TMEM108: variants seen among roughly 807,000 people sequenced by gnomAD.
The protein encoded by TMEM108 is cancer/testis antigen 124.
A neutral mutation model predicts 35.1 loss-of-function variants in TMEM108; 12 were observed. The ratio of observed to expected loss-of-function variants is 0.34; its 90% CI spans 0.22 to 0.55. The LOEUF is 0.55. Ranked by LOEUF, TMEM108 falls within the 20% of genes least tolerant of loss-of-function variation. The pLI is 0.89. For synonymous variants in TMEM108, 287 were observed against 308.6 expected, an observed-to-expected ratio of 0.93 and a Z score of 0.73; for missense variants, 680 against 753.3, an observed-to-expected ratio of 0.90 and a Z score of 1.14.
intron 2 of TMEM108, among the ~76,000 whole-genome samples, chr3:133,224,796 AGT>A (rs1406181574): frequency 6.6e-6 from 1 of 152,178 alleles, no homozygotes; most frequent in East Asian, 1.9e-4. Context: ...ATACATATAT[AGT>A]GTATATGTGC....
At chr3:133,309,682 CTTTTTTTTTTTTTTTT>C (rs148272827) in intron 3 of TMEM108, among the ~76,000 whole-genome samples, 46 of 69,136 alleles carry the variant, frequency 6.7e-4, no homozygotes, top group African/African-American at 8.2e-4. Context: ...GAGTGAGTTT[CTTTTTTTTTTTTTTTT>C]TTTTTTTTTT....
At chr3:133,237,369 ATTG>A (rs144808363) in intron 3 of TMEM108, among the ~76,000 whole-genome samples, 30,810 of 151,840 alleles carry the variant, frequency 0.2, 3,613 homozygotes, top group Middle Eastern at 0.32. Flanking sequence ...CTGCATCCCC[ATTG>A]TCTCAGCTTT....
At chr3:133,227,594 G>A (rs191346293) in intron 2 of TMEM108, among the ~76,000 whole-genome samples, 1 of 151,708 alleles carries the variant, frequency 6.6e-6, no homozygotes, top group East Asian at 2.0e-4. Flanking sequence ...ACATTGATGA[G>A]CCTTAAAAAC....
At chr3:133,376,474 A>T (rs2072843094) in intron 3 of TMEM108, among the ~76,000 whole-genome samples, 1 of 152,122 alleles carries the variant, frequency 6.6e-6, no homozygotes, top group Non-Finnish European at 1.5e-5. Flanking sequence ...TGCAGCAAAC[A>T]CCAGCTGGGT....
chr3:133,337,645 G>A (rs771608555), intron 3 of TMEM108, among the ~76,000 whole-genome samples: 14 of 152,056 alleles, frequency 9.2e-5, no homozygotes, highest in Non-Finnish European at 1.5e-4. Flanking sequence ...CCCAGACGTC[G>A]AAGAACATCA....
At chr3:133,046,738 C>G (rs1194425331) in intron 2 of TMEM108, among the ~76,000 whole-genome samples, 1 of 152,148 alleles carries the variant, frequency 6.6e-6, no homozygotes, top group Non-Finnish European at 1.5e-5. Flanking sequence ...ACATCACATC[C>G]TTTCTGAGCT....
chr3:133,378,001 C>A (rs1445208940), intron 3 of TMEM108, among the ~76,000 whole-genome samples: 3 of 151,640 alleles, frequency 2.0e-5, no homozygotes, highest in South Asian at 4.1e-4. Context: ...CATACCCCCC[C>A]CGACCAACTC....
intron 2 of TMEM108, among the ~76,000 whole-genome samples, chr3:133,136,203 C>T (rs1944562449): frequency 6.6e-6 from 1 of 152,148 alleles, no homozygotes; most frequent in Non-Finnish European, 1.5e-5. Flanking sequence ...AAAATTATTG[C>T]TTCTGAGCAC....
At chr3:133,223,582 T>A (rs973601078) in intron 2 of TMEM108, among the ~76,000 whole-genome samples, 9 of 152,214 alleles carry the variant, frequency 5.9e-5, no homozygotes, top group Admixed American at 3.3e-4. Context: ...ATGTGATTAA[T>A]ATTTTCTATT....
chr3:133,258,063 C>T (rs984469558), intron 3 of TMEM108, among the ~76,000 whole-genome samples: 1 of 152,062 alleles, frequency 6.6e-6, no homozygotes, highest in African/African-American at 2.4e-5. Context: ...AACCTGAAGC[C>T]CAATGTGATG....
intron 3 of TMEM108, among the ~76,000 whole-genome samples, chr3:133,315,754 G>A (rs1708388): frequency 0.96 from 147,015 of 152,348 alleles, 71,126 homozygotes; most frequent in East Asian, 1. Context: ...TTAGATCTTT[G>A]GGGAATGAAA....
At chr3:133,122,300 A>G (rs933452840) in intron 2 of TMEM108, among the ~76,000 whole-genome samples, 2 of 152,182 alleles carry the variant, frequency 1.3e-5, no homozygotes, top group Non-Finnish European at 1.5e-5. Context: ...CTAATTTTTA[A>G]TAAAGTTTTT....
chr3:133,265,412 C>T (rs1946683616), intron 3 of TMEM108, among the ~76,000 whole-genome samples: 1 of 152,178 alleles, frequency 6.6e-6, no homozygotes, highest in African/African-American at 2.4e-5. Flanking sequence ...GCCTGCAGTA[C>T]AGTGCAGCAC....
chr3:133,124,671 C>G (rs1410378194), intron 2 of TMEM108, among the ~76,000 whole-genome samples: 1 of 152,208 alleles, frequency 6.6e-6, no homozygotes. Flanking sequence ...GGGGCTGGAA[C>G]AGGCTAGTAG....
At chr3:133,270,641 G>A (rs4298040) in intron 3 of TMEM108, among the ~76,000 whole-genome samples, 147,013 of 152,294 alleles carry the variant, frequency 0.97, 71,151 homozygotes, top group East Asian at 1. Flanking sequence ...CTGCCCAGAA[G>A]TAGGCAGGTA....
At chr3:133,290,956 C>G (rs1008554861) in intron 3 of TMEM108, among the ~76,000 whole-genome samples, 2 of 152,104 alleles carry the variant, frequency 1.3e-5, no homozygotes, top group Non-Finnish European at 2.9e-5. Context: ...GTAAATGACA[C>G]TAACTAAAAT....
chr3:133,387,418 G>C, intron 4 of TMEM108: 2 of 985,466 alleles, frequency 2.0e-6, no homozygotes, highest in Non-Finnish European at 2.4e-6. Flanking sequence ...ATCAGGCCAG[G>C]AGCATGAACA....
At chr3:133,225,529 C>T (rs975198595) in intron 2 of TMEM108, among the ~76,000 whole-genome samples, 6 of 152,102 alleles carry the variant, frequency 3.9e-5, no homozygotes, top group African/African-American at 1.4e-4. Flanking sequence ...CAGAGCAATA[C>T]GTTTTGGAAT....
chr3:133,058,173 T>C (rs1334719347), intron 2 of TMEM108, among the ~76,000 whole-genome samples: 2 of 152,200 alleles, frequency 1.3e-5, no homozygotes, highest in Non-Finnish European at 2.9e-5. Flanking sequence ...AGATTAAATA[T>C]GTGGCTGCCT....
Sources: gnomAD v4.1 joint callset for allele counts (sites outside exome capture counted in the v4.1 genomes callset) on GRCh38, gnomAD v4.1.1 for gene constraint, MANE v1.5 for transcripts, NCBI Gene and HGNC (gene_info 2026-07-23, HGNC 2026-07-21) for gene names.